Variants in LYRM4 observed in about 807,000 individuals in gnomAD.
LYRM4 encodes the protein LYR motif containing 4.
A neutral mutation model predicts 11.7 loss-of-function variants in LYRM4; 9 were observed. The observed-to-expected ratio is 0.77, with a 90% CI of 0.46 to 1.34. The LOEUF (loss-of-function observed/expected upper bound fraction) is 1.34. LYRM4 is among the 40% of genes most tolerant of loss of function. LYRM4 has a pLI of 0.00. For synonymous variants in LYRM4, 42 were observed against 40.4 expected (o/e 1.04, Z -0.15); for missense variants, 133 against 112.5 (o/e 1.18, Z -0.82).
At chr6:5,074,622 CTTTTT>C in the LYRM4 span, among the ~76,000 whole-genome samples, 4 of 138,228 alleles carry the variant, frequency 2.9e-5, no homozygotes, top group Non-Finnish European at 4.7e-5. Flanking sequence ...GCTTTTCTTT[CTTTTT>C]TTTTTTTTAA....
At chr6:5,037,544 C>A in the LYRM4 span, among the ~76,000 whole-genome samples, 1 of 73,964 alleles carries the variant, frequency 1.4e-5, no homozygotes, top group African/African-American at 3.8e-5. Context: ...CAGACGGGGT[C>A]CTGGCCGGGC....
intron 1 of LYRM4, among the ~76,000 whole-genome samples, chr6:5,241,336 C>T (rs1353433943): frequency 1.3e-5 from 2 of 152,214 alleles, no homozygotes; most frequent in Admixed American, 1.3e-4. Flanking sequence ...TGTTAATTCA[C>T]TCTGAAGCTA....
intron 2 of LYRM4, among the ~76,000 whole-genome samples, chr6:5,134,668 G>C (rs1342078299): frequency 6.6e-6 from 1 of 152,178 alleles, no homozygotes; most frequent in Non-Finnish European, 1.5e-5. Context: ...ACCATCTATT[G>C]ATATTACAGA....
At position 5,208,727 on chromosome 6, in the gene LYRM4, A is replaced by T. The variant is rs956009046; in HGVS notation, c.207+7891T>A. Among the ~76,000 whole-genome samples the T allele has an allele frequency of 2.0e-5, 3 of 152,304 alleles. No individual in the cohort carries two copies. In the South Asian group the frequency reaches 6.2e-4, roughly 32 times the overall value. On this transcript the variant is annotated intron_variant, in intron 2 of 2. Coordinates refer to ENST00000330636, the MANE Select transcript of LYRM4 (RefSeq NM_020408.6). ...GAATGCTGTTGCCCCAGACTCGAGGATTTACTGGAATTTCTAGAAAAAGCA... is the reference window on the plus strand; with the variant it reads ...GAATGCTGTTGCCCCAGACTCGAGGTTTTACTGGAATTTCTAGAAAAAGCA...
chr6:5,040,278 C>T, the LYRM4 span, among the ~76,000 whole-genome samples: 3,647 of 151,306 alleles, frequency 0.024, 68 homozygotes, highest in Non-Finnish European at 0.034. Flanking sequence ...TGCCAGTGCA[C>T]CCCAGCCTGG....
At chr6:5,173,667 A>T (rs1266061756) in intron 2 of LYRM4, among the ~76,000 whole-genome samples, 2 of 152,194 alleles carry the variant, frequency 1.3e-5, no homozygotes, top group Non-Finnish European at 2.9e-5. Context: ...AACTTTTTTC[A>T]TTTACAAATT....
chr6:5,046,140 A>C, the LYRM4 span, among the ~76,000 whole-genome samples: 1 of 151,996 alleles, frequency 6.6e-6, no homozygotes, highest in Non-Finnish European at 1.5e-5. Context: ...AGTGGCTTAA[A>C]ATAATATTCC....
intron 1 of LYRM4, among the ~76,000 whole-genome samples, chr6:5,230,291 G>GA (rs1032622584): frequency 3.9e-5 from 6 of 152,282 alleles, no homozygotes; most frequent in African/African-American, 9.6e-5. Context: ...TTTGTCAGGG[G>GA]AAAAAACGCA....
chr6:5,216,559 G>T, intron 2 of LYRM4, 59 bp downstream of exon 2: 1 of 1,602,352 alleles, frequency 6.2e-7, no homozygotes, highest in Non-Finnish European at 8.5e-7. Context: ...CTAATCAAGG[G>T]GAATATGTCG....
At chr6:5,249,147 G>T (rs528909863) in intron 1 of LYRM4, among the ~76,000 whole-genome samples, 1 of 152,204 alleles carries the variant, frequency 6.6e-6, no homozygotes, top group Non-Finnish European at 1.5e-5. Context: ...AATGATTTTG[G>T]AGTACCTACT....
chr6:5,144,670 G>T (rs72811652), intron 2 of LYRM4, among the ~76,000 whole-genome samples: 15,283 of 138,366 alleles, frequency 0.11, 1,100 homozygotes, highest in Middle Eastern at 0.2. Context: ...TACGTCAGGT[G>T]AATTTTCCAA....
the LYRM4 span, among the ~76,000 whole-genome samples, chr6:5,051,026 CAA>C: frequency 6.6e-6 from 1 of 152,122 alleles, no homozygotes; most frequent in East Asian, 1.9e-4. Flanking sequence ...AGTACAATAA[CAA>C]ATGAAATTTT....
At chr6:5,081,015 T>C in the LYRM4 span, among the ~76,000 whole-genome samples, 3 of 151,964 alleles carry the variant, frequency 2.0e-5, no homozygotes, top group Non-Finnish European at 4.4e-5. Context: ...TGGGGTGGCT[T>C]GTTATGCAGC....
At chr6:5,257,606 T>C (rs1764740028) in intron 1 of LYRM4, among the ~76,000 whole-genome samples, 1 of 152,170 alleles carries the variant, frequency 6.6e-6, no homozygotes. Flanking sequence ...TGAGTGCGCA[T>C]TATGGCCTGA....
At chr6:5,036,503 A>T in the LYRM4 span, among the ~76,000 whole-genome samples, 1 of 152,192 alleles carries the variant, frequency 6.6e-6, no homozygotes, top group Non-Finnish European at 1.5e-5. Context: ...GGCTGCTGTC[A>T]TAGAGCCCTG....
the LYRM4 span, among the ~76,000 whole-genome samples, chr6:5,070,041 G>C: frequency 1.3e-5 from 2 of 152,200 alleles, no homozygotes; most frequent in Non-Finnish European, 2.9e-5. Context: ...GAATTTTCCT[G>C]TTTCAATGTT....
chr6:5,136,865 A>C, intron 2 of LYRM4: 1 of 967,964 alleles, frequency 1.0e-6, no homozygotes, highest in Non-Finnish European at 1.2e-6. Flanking sequence ...ACACCATCAA[A>C]TCTATCCAAT....
At chr6:5,116,526 A>G (rs1763125698) in intron 2 of LYRM4, among the ~76,000 whole-genome samples, 1 of 152,220 alleles carries the variant, frequency 6.6e-6, no homozygotes, top group Non-Finnish European at 1.5e-5. Flanking sequence ...CGTGGTGCTA[A>G]TGGCAGAGAA....
the LYRM4 span, among the ~76,000 whole-genome samples, chr6:5,083,730 C>A: frequency 2.0e-5 from 3 of 152,220 alleles, no homozygotes; most frequent in Non-Finnish European, 4.4e-5. Flanking sequence ...ATCTCTTTTG[C>A]CTGCCCTCTG....
Sources: allele counts gnomAD v4.1 joint callset (sites outside exome capture counted in the v4.1 genomes callset), GRCh38; gene constraint gnomAD v4.1.1; transcripts MANE v1.5; gene names NCBI Gene and HGNC (gene_info 2026-07-23, HGNC 2026-07-21).